The following FHIP1A variants were observed in gnomAD, a reference collection of about 807,000 sequenced individuals.
FHIP1A encodes FHF complex subunit HOOK-interacting protein 1A.
Under a neutral mutation model 88.6 loss-of-function variants are expected in FHIP1A, and 61 were observed. The ratio of observed to expected loss-of-function variants is 0.69; its 90% CI spans 0.56 to 0.85. The LOEUF is 0.85. Ranked by LOEUF, FHIP1A falls within the 40% of genes least tolerant of loss-of-function variation. FHIP1A has a pLI of 0.00. For synonymous variants in FHIP1A, 478 were observed against 496.0 expected, an observed-to-expected ratio of 0.96 and a Z score of 0.48; for missense variants, 1,154 against 1,273.5, an observed-to-expected ratio of 0.91 and a Z score of 1.43.
chr4:151,585,263 C>T (rs189420013), intron 5 of FHIP1A, among the ~76,000 whole-genome samples: 4 of 152,182 alleles, frequency 2.6e-5, no homozygotes, highest in East Asian at 3.9e-4. Context: ...CTGCAACCTC[C>T]GCCTCCCAGG....
chr4:151,515,219 A>G (rs557180774), intron 3 of FHIP1A, among the ~76,000 whole-genome samples: 308 of 148,396 alleles, frequency 2.1e-3, no homozygotes, highest in Middle Eastern at 0.01. Context: ...GATTATCTCA[A>G]TAGATGCAGA....
rs946168896 is a variant in FHIP1A, at chr4:151,662,849, T to G, written c.*95T>G. 76 of 1,183,992 alleles carry G rather than the reference T, an allele frequency of 6.4e-5. No homozygotes were observed. Among genetic ancestry groups the G allele is most frequent in the Non-Finnish European group, 8.5e-5 (75 of 880,142 alleles). 73.3% of individuals were successfully genotyped at this position (1,183,992 alleles called of 1,614,324 possible). A position where few individuals can be genotyped will look rare whatever the true frequency, so the allele number is the denominator to read the frequency against. On this transcript the variant is annotated 3_prime_UTR_variant, in exon 14 of 14. Transcript: ENST00000435205. ...CAAAGCTGCTTACAAAGATTTCTACTTTAATGTTTCCTGACAATACTTGAT... is the reference window on the plus strand; with the variant it reads ...CAAAGCTGCTTACAAAGATTTCTACGTTAATGTTTCCTGACAATACTTGAT...
intron 1 of FHIP1A, among the ~76,000 whole-genome samples, chr4:151,431,263 G>C (rs1415095425): frequency 6.6e-6 from 1 of 152,014 alleles, no homozygotes; most frequent in Non-Finnish European, 1.5e-5. Context: ...GCTCTAACCT[G>C]AATCAGTGAG....
intron 3 of FHIP1A, among the ~76,000 whole-genome samples, chr4:151,525,816 G>T (rs1242151952): frequency 2.0e-5 from 3 of 150,782 alleles, no homozygotes; most frequent in African/African-American, 4.9e-5. Context: ...GGGGGATTTG[G>T]CAGGGTCACA....
At chr4:151,455,980 C>A (rs1012575794) in intron 2 of FHIP1A, among the ~76,000 whole-genome samples, 1 of 152,112 alleles carries the variant, frequency 6.6e-6, no homozygotes, top group Non-Finnish European at 1.5e-5. Context: ...TTTTCCTGTT[C>A]TAACTTTGCC....
intron 2 of FHIP1A, among the ~76,000 whole-genome samples, chr4:151,480,039 C>G (rs1039067300): frequency 2.6e-5 from 4 of 152,046 alleles, no homozygotes; most frequent in Non-Finnish European, 4.4e-5. Context: ...CAGCTTCCCC[C>G]CTTTTTGGCA....
At chr4:151,598,710 T>G (rs1734745497) in intron 7 of FHIP1A, among the ~76,000 whole-genome samples, 1 of 152,106 alleles carries the variant, frequency 6.6e-6, no homozygotes, top group Non-Finnish European at 1.5e-5. Context: ...GAACCAGAGA[T>G]TTCTGATTTT....
At chr4:151,581,369 CAG>C (rs1414447069) in intron 5 of FHIP1A, among the ~76,000 whole-genome samples, 58 of 152,152 alleles carry the variant, frequency 3.8e-4, no homozygotes, top group Non-Finnish European at 4.4e-5. Flanking sequence ...TTGAAAAAAT[CAG>C]AGTGTTCTGA....
intron 11 of FHIP1A, among the ~76,000 whole-genome samples, chr4:151,655,450 A>G (rs1219133890): frequency 6.6e-6 from 1 of 152,112 alleles, no homozygotes; most frequent in African/African-American, 2.4e-5. Flanking sequence ...TAATTTTTTA[A>G]CTGCTTTTTT....
Position 151,613,924 on chromosome 4 carries a change from A to T in FHIP1A, c.979-15778A>T, listed in dbSNP as rs183684645. 2.9e-3 allele frequency among the ~76,000 whole-genome samples: 435 copies of T among 152,250 alleles called. 2 individuals are homozygous for T. Among genetic ancestry groups the T allele is most frequent in the African/African-American group, 0.01 (422 of 41,550 alleles). ...ATGCTTGTAATCCCAGCACTTTGGG[A>T]GGCTGAGGTGGGTGGATCACCTGAG... On this transcript the variant is annotated intron_variant, in intron 7 of 13. Transcript: ENST00000435205.
chr4:151,539,120 A>ACG (rs1732174950), intron 3 of FHIP1A, among the ~76,000 whole-genome samples: 1 of 152,238 alleles, frequency 6.6e-6, no homozygotes, highest in South Asian at 2.1e-4. Context: ...TTTTTCAAAA[A>ACG]CGATGACTCT....
intron 2 of FHIP1A, among the ~76,000 whole-genome samples, chr4:151,461,002 A>C (rs1452044629): frequency 6.6e-6 from 1 of 152,196 alleles, no homozygotes; most frequent in Non-Finnish European, 1.5e-5. Context: ...TATGCCATCT[A>C]TTCTTCTAGG....
At chr4:151,552,396 A>G (rs1418612114) in intron 3 of FHIP1A, among the ~76,000 whole-genome samples, 1 of 152,204 alleles carries the variant, frequency 6.6e-6, no homozygotes, top group Non-Finnish European at 1.5e-5. Flanking sequence ...TTGTGGCACT[A>G]TTCACAATAG....
chr4:151,537,291 G>A (rs1458223375), intron 3 of FHIP1A, among the ~76,000 whole-genome samples: 2 of 152,002 alleles, frequency 1.3e-5, no homozygotes, highest in Non-Finnish European at 1.5e-5. Flanking sequence ...TATTTTCACT[G>A]TTTTTAATTT....
chr4:151,432,425 A>G (rs976345646), intron 1 of FHIP1A, among the ~76,000 whole-genome samples: 7 of 152,332 alleles, frequency 4.6e-5, no homozygotes, highest in African/African-American at 1.7e-4. Context: ...GGTGCTGAGA[A>G]TATAGTTGTG....
intron 7 of FHIP1A, among the ~76,000 whole-genome samples, chr4:151,623,521 CT>C (rs747837424): frequency 0.11 from 9,394 of 88,124 alleles, 590 homozygotes; most frequent in African/African-American, 0.26. Flanking sequence ...CTTCCTGGTC[CT>C]TTTTTTTTTT....
chr4:151,650,399 A>G lies in FHIP1A; in HGVS notation c.2358A>G (p.Glu786=), dbSNP rs1410799269. 2 of 1,551,696 alleles carry G rather than the reference A, an allele frequency of 1.3e-6. No homozygotes were observed. The highest frequency in any genetic ancestry group is 2.4e-5 in the East Asian group (1 of 40,928). The change falls in exon 11 of 14, where the codon GAA becomes GAG. Residue 786 remains glutamate (E), a synonymous_variant. Transcript: ENST00000435205. Reference sequence around the variant, plus strand: ...ATCCCTTGCTTCTCACTAAGGAGGAAGAAGGGAAGGAAGAGAGTAAAGGAG... The same window carrying G: ...ATCCCTTGCTTCTCACTAAGGAGGAGGAAGGGAAGGAAGAGAGTAAAGGAG... ...TPDPLLLTKE[E]EGKEESKGEK... is the part of the protein sequence containing the mutation.
chr4:151,664,270 T>C lies in FHIP1A; in HGVS notation c.*1516T>C, dbSNP rs1578880150. 6.6e-6 allele frequency among the ~76,000 whole-genome samples: 1 copy of C among 152,206 alleles called. No homozygotes were observed. Among genetic ancestry groups the C allele is most frequent in the African/African-American group, 2.4e-5 (1 of 41,440 alleles). On this transcript the variant is annotated 3_prime_UTR_variant, in exon 14 of 14. Coordinates refer to ENST00000435205, the MANE Select transcript of FHIP1A (RefSeq NM_001109977.3). ...ACTGGTTTGGTCTTAATCAGGCCTT[T>C]CATGCACAGGCAGGGCAGTGGCGGA...
At position 151,634,171 on chromosome 4, in the gene FHIP1A, G is replaced by A. The variant is rs140124734; in HGVS notation, c.1146+4302G>A. On this transcript the variant is annotated intron_variant, in intron 8 of 13. Transcript: ENST00000435205. ...AAATTTTAAAAAGTTCTTTATAATA[G>A]CATCAAAAAGAATAAAATACTTAGG... Among the ~76,000 whole-genome samples, 729 of 151,760 alleles carry A rather than the reference G, an allele frequency of 4.8e-3. 5 individuals carry two copies. Among genetic ancestry groups the A allele is most frequent in the Non-Finnish European group, 6.7e-3 (453 of 67,686 alleles).
Sources: gnomAD v4.1 joint callset for allele counts (sites outside exome capture counted in the v4.1 genomes callset) on GRCh38, gnomAD v4.1.1 for gene constraint, MANE v1.5 for transcripts, NCBI Gene and HGNC (gene_info 2026-07-23, HGNC 2026-07-21) for gene names.